Variants in BCL11B observed in about 807,000 individuals in gnomAD.
BCL11B encodes B-cell lymphoma/leukemia 11B.
A neutral mutation model predicts 49.9 loss-of-function variants in BCL11B; 8 were observed. The observed-to-expected ratio is 0.16, with a 90% CI of 0.09 to 0.29. The LOEUF is 0.29. Among genes scored for constraint, BCL11B ranks in the 10% least tolerant of loss-of-function variants. The pLI, the probability that BCL11B is intolerant of heterozygous loss-of-function variation, is 1.00. For synonymous variants in BCL11B, 739 were observed against 637.4 expected (o/e 1.16, Z -2.40); for missense variants, 1,006 against 1,351.0 (o/e 0.74, Z 4.00).
intron 2 of BCL11B, among the ~76,000 whole-genome samples, chr14:99,252,221 A>T (rs1396081179): frequency 1.3e-5 from 2 of 152,162 alleles, no homozygotes; most frequent in African/African-American, 4.8e-5. Context: ...ATTTAATAAT[A>T]AAAAAAGATA....
In BCL11B at chr14:99,205,027, G is replaced by A. The variant is rs538095043; in HGVS notation, c.640+26318C>T. Among the ~76,000 whole-genome samples, 9 of 152,256 alleles carry A rather than the reference G, an allele frequency of 5.9e-5. No individual in the cohort carries two copies. Among genetic ancestry groups the A allele is most frequent in the African/African-American group, 2.2e-4 (9 of 41,550 alleles). ...GAGGGGTACCTGGGACAGGACAGGC[G>A]GACCAGGTCCCAGATCACCTGTGGG... On this transcript the variant is annotated intron_variant, in intron 3 of 3. Coordinates refer to ENST00000357195, the MANE Select transcript of BCL11B (RefSeq NM_138576.4). This position sits in a 1 kb window ranked among gnomAD's most constrained non-coding sequence, Gnocchi z 5.0.
intron 3 of BCL11B, among the ~76,000 whole-genome samples, chr14:99,177,222 C>T (rs1886562316): frequency 6.6e-6 from 1 of 152,048 alleles, no homozygotes; most frequent in African/African-American, 2.4e-5. Flanking sequence ...TGCCAGAATA[C>T]TAAGCAATGA....
At chr14:99,188,868 A>C (rs533097624) in intron 3 of BCL11B, among the ~76,000 whole-genome samples, 134 of 152,378 alleles carry the variant, frequency 8.8e-4, no homozygotes, top group Non-Finnish European at 1.3e-3. Context: ...GCCCAGGTTA[A>C]CCAACTGCAG....
intron 3 of BCL11B, among the ~76,000 whole-genome samples, chr14:99,203,306 G>A (rs1036227637): frequency 3.9e-5 from 6 of 152,180 alleles, no homozygotes; most frequent in Non-Finnish European, 8.8e-5. Context: ...GAAATAACCC[G>A]TGAAGCCCCA....
chr14:99,205,721 A>G lies in BCL11B; in HGVS notation c.640+25624T>C, dbSNP rs1887516268. ...GTACGTGGTAAGGAGCAGAATTCCC[A>G]GAAAGTTCTGTTCCCACATTTTACC... On this transcript the variant is annotated intron_variant, in intron 3 of 3. Coordinates refer to ENST00000357195, the MANE Select transcript of BCL11B (RefSeq NM_138576.4). This position sits in a 1 kb window ranked among gnomAD's most constrained non-coding sequence, Gnocchi z 5.0. Among the ~76,000 whole-genome samples, 1 of 152,224 alleles carries G rather than the reference A, an allele frequency of 6.6e-6. No homozygotes were observed. The highest frequency in any genetic ancestry group is 6.5e-5 in the Admixed American group (1 of 15,280).
Position 99,257,895 on chromosome 14 carries a change from G to A in BCL11B, c.59-56C>T, listed in dbSNP as rs148934099. 159 of 1,447,896 alleles carry A rather than the reference G, an allele frequency of 1.1e-4. No homozygotes were observed. In the Middle Eastern group the frequency reaches 1.6e-3, roughly 14 times the overall value. 89.7% of individuals were successfully genotyped at this position (1,447,896 alleles called of 1,614,324 possible). Reference sequence around the variant, plus strand: ...AGAGAAGATAGAGATGGGCTTAGGCGGTCACAGCACCCAACTTCCGGTCCA... The same window carrying A: ...AGAGAAGATAGAGATGGGCTTAGGCAGTCACAGCACCCAACTTCCGGTCCA... On this transcript the variant is annotated intron_variant, in intron 1 of 3. Coordinates refer to ENST00000357195, the MANE Select transcript of BCL11B (RefSeq NM_138576.4). This position sits in a 1 kb window ranked among gnomAD's most constrained non-coding sequence, Gnocchi z 6.2.
chr14:99,180,054 G>T (rs1055423426), intron 3 of BCL11B, among the ~76,000 whole-genome samples: 1 of 152,154 alleles, frequency 6.6e-6, no homozygotes, highest in South Asian at 2.1e-4. Context: ...CTGACTGGGG[G>T]CTGGCCCACT....
rs1466130777 is a variant in BCL11B, at chr14:99,228,164, G to A, written c.640+3181C>T. ...TGAAGAGATGGGTTCAATGCATCCT[G>A]ATCCGAAAAGGGACAAAACCAGGTA... On this transcript the variant is annotated intron_variant, in intron 3 of 3. Transcript: ENST00000357195. This position sits in a 1 kb window ranked among gnomAD's most constrained non-coding sequence, Gnocchi z 4.8. Among the ~76,000 whole-genome samples the A allele has an allele frequency of 2.6e-5, 4 of 152,230 alleles. No individual in the cohort carries two copies. The highest frequency in any genetic ancestry group is 5.9e-5 in the Non-Finnish European group (4 of 68,042).
Position 99,244,301 on chromosome 14 carries a change from T to A in BCL11B, c.428-12744A>T, listed in dbSNP as rs796075264. The stretch of plus-strand genomic sequence containing the variant: ...CAAAACATGAACAATTACCCCCCCC[T>A]CACACACACACACACCCCTAGTCTC... On this transcript the variant is annotated intron_variant, in intron 2 of 3. Coordinates refer to ENST00000357195, the MANE Select transcript of BCL11B (RefSeq NM_138576.4). Among the ~76,000 whole-genome samples, 830 of 145,916 alleles carry A rather than the reference T, an allele frequency of 5.7e-3. 7 individuals are homozygous for A. The highest frequency in any genetic ancestry group is 0.019 in the African/African-American group (773 of 40,320).
intron 3 of BCL11B, among the ~76,000 whole-genome samples, chr14:99,218,719 T>C (rs943806242): frequency 6.6e-6 from 1 of 151,072 alleles, no homozygotes; most frequent in African/African-American, 2.4e-5. Flanking sequence ...GCAGAGAAGA[T>C]TGGATGGAGC....
At chr14:99,196,560 T>C (rs937405987) in intron 3 of BCL11B, among the ~76,000 whole-genome samples, 3 of 152,208 alleles carry the variant, frequency 2.0e-5, no homozygotes, top group Non-Finnish European at 4.4e-5. Flanking sequence ...CCACAGCAGC[T>C]TTCACTTTGC....
At chr14:99,254,229 TCCTC>T (rs144986387) in intron 2 of BCL11B, among the ~76,000 whole-genome samples, 1 of 152,262 alleles carries the variant, frequency 6.6e-6, no homozygotes, top group African/African-American at 2.4e-5. Context: ...TTCAGAAACT[TCCTC>T]CCTCTACCTT....
rs1182773239 is a variant in BCL11B at position 99,231,239 on chromosome 14, G to T, written c.640+106C>A. The T allele has an allele frequency of 1.4e-5, 17 of 1,257,640 alleles. No individual in the cohort carries two copies. The highest frequency in any genetic ancestry group is 2.8e-4 in the Middle Eastern group (1 of 3,598). The allele number at this position is 1,257,640 out of a possible 1,614,324, so 77.9% of individuals were successfully genotyped here. The stretch of plus-strand genomic sequence containing the variant: ...CCCTGGCACCCCAAAAAGCCTTCTG[G>T]GTGGGAGCTGCCCTTCCTCCCTGGG... On this transcript the variant is annotated intron_variant, in intron 3 of 3. Coordinates refer to ENST00000357195, the MANE Select transcript of BCL11B (RefSeq NM_138576.4). The surrounding 1 kb of genome is among the most constrained non-coding windows in gnomAD (Gnocchi z 8.1).
intron 1 of BCL11B, among the ~76,000 whole-genome samples, chr14:99,269,533 A>T (rs907145947): frequency 1.8e-4 from 27 of 148,822 alleles, no homozygotes; most frequent in African/African-American, 4.2e-4. Context: ...CCCCAAAAAA[A>T]ATCATAATAA....
chr14:99,177,129 G>A (rs112954610), intron 3 of BCL11B, among the ~76,000 whole-genome samples: 308 of 152,052 alleles, frequency 2.0e-3, no homozygotes, highest in Admixed American at 2.9e-3. Context: ...TCACACACAC[G>A]CCCAAACACC....
At chr14:99,216,095 C>G (rs529121159) in intron 3 of BCL11B, among the ~76,000 whole-genome samples, 1 of 152,360 alleles carries the variant, frequency 6.6e-6, no homozygotes, top group East Asian at 1.9e-4. Context: ...CTATTCAGCA[C>G]CTTTCACAGG....
At chr14:99,223,984 C>T (rs1378934312) in intron 3 of BCL11B, among the ~76,000 whole-genome samples, 1 of 152,214 alleles carries the variant, frequency 6.6e-6, no homozygotes, top group African/African-American at 2.4e-5. Context: ...AGTGAGAAGG[C>T]CCTCCATGGG....
At position 99,170,259 on chromosome 14, in the gene BCL11B, C is replaced by G. The variant is rs952444756; in HGVS notation, c.*3892G>C. 1 of 222,076 alleles carries G rather than the reference C, an allele frequency of 4.5e-6. No individual in the cohort carries two copies. Among genetic ancestry groups the G allele is most frequent in the African/African-American group, 2.2e-5 (1 of 44,816 alleles). 13.8% of individuals were successfully genotyped at this position (222,076 alleles called of 1,614,324 possible). A position where few individuals can be genotyped will look rare whatever the true frequency, so the allele number is the denominator to read the frequency against. On this transcript the variant is annotated 3_prime_UTR_variant, in exon 4 of 4. Transcript: ENST00000357195. ...TCAGCTTTCTCTCCCATTCCCTCCC[C>G]CCTTTTTTTTAACTTTGCAAAGGTA...
chr14:99,230,190 G>A (rs1485175929), intron 3 of BCL11B, among the ~76,000 whole-genome samples: 5 of 152,194 alleles, frequency 3.3e-5, no homozygotes, highest in Admixed American at 3.3e-4. Flanking sequence ...GCTGCCTGTG[G>A]CCTTTTACAG....
Sources: gnomAD v4.1 joint callset for allele counts (sites outside exome capture counted in the v4.1 genomes callset) on GRCh38, gnomAD v4.1.1 for gene constraint, Gnocchi (gnomAD v3.1) non-coding constraint, MANE v1.5 for transcripts, NCBI Gene and HGNC (gene_info 2026-07-23, HGNC 2026-07-21) for gene names.